Variants in MRPS30 observed in about 807,000 individuals in gnomAD.
MRPS30 encodes large ribosomal subunit protein mL65.
Under a neutral mutation model 43.8 loss-of-function variants are expected in MRPS30, and 42 were observed. That is an observed-to-expected ratio of 0.96 (90% CI 0.75 to 1.24). The LOEUF (loss-of-function observed/expected upper bound fraction) is 1.24. Ranked by LOEUF, MRPS30 falls within the 50% of genes most tolerant of loss-of-function variation. The pLI, the probability that MRPS30 is intolerant of heterozygous loss-of-function variation, is 0.00. For missense variants in MRPS30, 638 were observed against 570.0 expected (o/e 1.12, Z -1.22); for synonymous variants, 273 against 228.2 (o/e 1.20, Z -1.77).
chr5:44,812,189 G>A lies in MRPS30; in HGVS notation c.853+169G>A, dbSNP rs541843968. On this transcript the variant is annotated intron_variant, in intron 3 of 4. Transcript: ENST00000507110. ...GTTATTACAACATGCATAAACACTG[G>A]AAAGAAAATATTAAGTTCATTATTT... 3.3e-5 allele frequency among the ~76,000 whole-genome samples: 5 copies of A among 152,232 alleles called. No homozygotes were observed. The South Asian group carries it at 6.2e-4, about 19-fold the overall frequency.
chr5:44,810,260 A>C (rs75683728), intron 1 of MRPS30, among the ~76,000 whole-genome samples: 2,257 of 152,290 alleles, frequency 0.015, 47 homozygotes, highest in African/African-American at 0.052. Context: ...GAAACGTTAA[A>C]TGTGTCTGCC....
chr5:44,815,157 A>G lies in MRPS30; in HGVS notation c.1275A>G (p.Leu425=), dbSNP rs370467602. 3.5e-5 allele frequency: 57 copies of G among 1,610,862 alleles called. No individual in the cohort carries two copies. The highest frequency in any genetic ancestry group is 5.0e-5 in the Admixed American group (3 of 59,708). Residue 425 remains leucine, a synonymous_variant, in exon 5 of 5, where the codon CTA becomes CTG. Coordinates refer to ENST00000507110, the MANE Select transcript of MRPS30 (RefSeq NM_016640.4). The stretch of plus-strand genomic sequence containing the variant: ...TTCTACTTCAGATAGTTCACTTTCT[A>G]CTGAATAGACCAAAAGAAGAAAAAT... The part of the protein sequence containing the change: ...DDVLLQIVHF[L]LNRPKEEKSQ...
intron 4 of MRPS30, among the ~76,000 whole-genome samples, chr5:44,813,903 G>A (rs1191706101): frequency 6.6e-6 from 1 of 152,108 alleles, no homozygotes; most frequent in African/African-American, 2.4e-5. Flanking sequence ...AGGGGGGCAG[G>A]TATAAATGAG....
chr5:44,810,517 G>T (rs1423847194), intron 1 of MRPS30, among the ~76,000 whole-genome samples: 2 of 152,190 alleles, frequency 1.3e-5, no homozygotes, highest in African/African-American at 4.8e-5. Flanking sequence ...GCCTTGTTGT[G>T]TGCATGTTTT....
At position 44,811,173 on chromosome 5, in the gene MRPS30, T is replaced by C; in HGVS notation, c.747+19T>C. ...CGCAGAGGTAAGGATTTATTGCGAT[T>C]ATGTATCTATTGATATCTCGTGTAG... On this transcript the variant is annotated intron_variant, in intron 2 of 4. Transcript: ENST00000507110. 2 of 1,612,092 alleles carry C rather than the reference T, an allele frequency of 1.2e-6. No homozygotes were observed. The highest frequency in any genetic ancestry group is 1.7e-6 in the Non-Finnish European group (2 of 1,178,348).
rs755555658 is a variant in MRPS30, at chr5:44,809,417, AGGAGCACTTCTAC to A, written c.456_468del (p.Gln152HisfsTer78). Reference sequence around the variant, plus strand: ...GCGGTCGCCTGCGACTGCCTGCTGCAGGAGCACTTCTACCTGCGGCGCAGGCGGCGCGTGCACC... The same window carrying A: ...GCGGTCGCCTGCGACTGCCTGCTGCACTGCGGCGCAGGCGGCGCGTGCACC... On this transcript the variant is annotated frameshift_variant, in exon 1 of 5. Transcript: ENST00000507110. LOFTEE classifies it high-confidence loss of function. The A allele has an allele frequency of 1.9e-6, 3 of 1,613,092 alleles. No individual in the cohort carries two copies. Among genetic ancestry groups the A allele is most frequent in the Non-Finnish European group, 2.5e-6 (3 of 1,179,626 alleles).
chr5:44,809,028 T>TAATGCCGCCGCC lies in MRPS30; in HGVS notation c.68_79dup (p.Asn23_Ala26dup). On this transcript the variant is annotated inframe_insertion, in exon 1 of 5. Coordinates refer to ENST00000507110, the MANE Select transcript of MRPS30 (RefSeq NM_016640.4). ...CGAGGCTTTCATTGCACACCGCGGC[T>TAATGCCGCCGCC]AATGCCGCCGCCACGGCTACAGAAA... is the stretch of plus-strand genomic sequence containing the variant. 1 of 1,610,008 alleles carries TAATGCCGCCGCC rather than the reference T, an allele frequency of 6.2e-7. No individual in the cohort carries two copies. Among genetic ancestry groups the TAATGCCGCCGCC allele is most frequent in the East Asian group, 2.2e-5 (1 of 44,724 alleles).
chr5:44,814,648 A>C (rs1742890897), intron 4 of MRPS30, among the ~76,000 whole-genome samples: 1 of 152,066 alleles, frequency 6.6e-6, no homozygotes, highest in African/African-American at 2.4e-5. Flanking sequence ...TGCTGCTCTT[A>C]GATGAAGTAA....
In MRPS30 at chr5:44,811,938, T is replaced by A. The variant is rs535463036; in HGVS notation, c.771T>A (p.Val257=). The change falls in exon 3 of 5, where the codon GTT becomes GTA. Residue 257 remains valine (V), a synonymous_variant. Transcript: ENST00000507110. Reference sequence around the variant, plus strand: ...AGTTTGTGCCATTGGATTATTCTGTTCCTATAGAAATCCCCACTATAAAAT... The same window carrying A: ...AGTTTGTGCCATTGGATTATTCTGTACCTATAGAAATCCCCACTATAAAAT... The part of the protein sequence containing the change: ...LAEFVPLDYS[V]PIEIPTIKCK... 1.3e-5 allele frequency: 20 copies of A among 1,590,648 alleles called. No homozygotes were observed. The South Asian group carries it at 2.3e-4, about 18-fold the overall frequency.
intron 2 of MRPS30, 131 bp downstream of exon 2, chr5:44,811,285 G>T: frequency 9.8e-7 from 1 of 1,024,032 alleles, no homozygotes; most frequent in Admixed American, 2.5e-5. Context: ...CCTTTTTGAA[G>T]ACATCACCTC....
chr5:44,809,535 C>G lies in MRPS30; in HGVS notation c.573C>G (p.His191Gln). Residue 191 changes from histidine (H) to glutamine (Q), a missense_variant, in exon 1 of 5, where the codon CAC becomes CAG. Coordinates refer to ENST00000507110, the MANE Select transcript of MRPS30 (RefSeq NM_016640.4). ...VSTLVGLLSP[H>Q]NPALAAAALD... ...CCCTCGTGGGCCTCCTCAGCCCACA[C>G]AACCCGGCCCTGGCCGCTGCCGCCC... The G allele has an allele frequency of 6.2e-7, 1 of 1,605,294 alleles. No homozygotes were observed. Among genetic ancestry groups the G allele is most frequent in the East Asian group, 2.2e-5 (1 of 44,766 alleles).
chr5:44,809,831 T>C, intron 1 of MRPS30: 1 of 448,318 alleles, frequency 2.2e-6, no homozygotes. Context: ...GATTCTACTT[T>C]GTGAGTGTTC....
chr5:44,811,921 C>G lies in MRPS30; in HGVS notation c.754C>G (p.Pro252Ala). The change falls in exon 3 of 5, where the codon CCA (proline) becomes GCA (alanine). Residue 252 changes from proline to alanine, a missense_variant. Physicochemically the swap from Pro to Ala is conservative, Grantham distance 27 (BLOSUM62 -1). Transcript: ENST00000507110. The part of the protein sequence containing the change: ...RISKQLAEFV[P>A]LDYSVPIEIP... Reference sequence around the variant, plus strand: ...TCTTTTCTTTTTCTTTAAGTTTGTGCCATTGGATTATTCTGTTCCTATAGA... The same window carrying G: ...TCTTTTCTTTTTCTTTAAGTTTGTGGCATTGGATTATTCTGTTCCTATAGA... 1 of 1,536,108 alleles carries G rather than the reference C, an allele frequency of 6.5e-7. No homozygotes were observed. The highest frequency in any genetic ancestry group is 8.8e-7 in the Non-Finnish European group (1 of 1,135,848).
intron 2 of MRPS30, among the ~76,000 whole-genome samples, chr5:44,811,408 A>G (rs1742837796): frequency 6.6e-6 from 1 of 152,178 alleles, no homozygotes; most frequent in South Asian, 2.1e-4. Context: ...ACAGATCTAT[A>G]TGTTTCTCTT....
chr5:44,811,589 G>A (rs894770825), intron 2 of MRPS30, among the ~76,000 whole-genome samples: 3 of 152,110 alleles, frequency 2.0e-5, no homozygotes, highest in Admixed American at 6.5e-5. Context: ...TCATGTCAGG[G>A]GTTGACACAC....
chr5:44,809,393 C>T lies in MRPS30; in HGVS notation c.431C>T (p.Ala144Val), dbSNP rs1260374878. 6.8e-6 allele frequency: 11 copies of T among 1,609,840 alleles called. No individual in the cohort carries two copies. The highest frequency in any genetic ancestry group is 1.3e-5 in the African/African-American group (1 of 74,844). The change falls in exon 1 of 5, where the codon GCG (alanine) becomes GTG (valine). Residue 144 changes from alanine (A) to valine (V), a missense_variant. Physicochemically the swap from Ala to Val is moderately conservative, Grantham distance 64. Transcript: ENST00000507110. Reference sequence around the variant, plus strand: ...GCGCTGGACCTCGCGGCGCTGCGTGCGGTCGCCTGCGACTGCCTGCTGCAG... The same window carrying T: ...GCGCTGGACCTCGCGGCGCTGCGTGTGGTCGCCTGCGACTGCCTGCTGCAG... ...EPALDLAALR[A>V]VACDCLLQEH...
At chr5:44,812,809 A>G (rs1342949635) in intron 3 of MRPS30, among the ~76,000 whole-genome samples, 1 of 152,150 alleles carries the variant, frequency 6.6e-6, no homozygotes, top group Admixed American at 6.5e-5. Context: ...TGACTAAGGG[A>G]TTTGAGAAAA....
chr5:44,814,578 C>A (rs1742889970), intron 4 of MRPS30, among the ~76,000 whole-genome samples: 1 of 152,096 alleles, frequency 6.6e-6, no homozygotes, highest in Non-Finnish European at 1.5e-5. Context: ...TACTACTTGG[C>A]CTTGGTAATT....
chr5:44,811,972 G>C lies in MRPS30; in HGVS notation c.805G>C (p.Asp269His). The change falls in exon 3 of 5, where the codon GAC becomes CAC. Residue 269 changes from aspartate to histidine, a missense_variant. Transcript: ENST00000507110. Reference sequence around the variant, plus strand: ...AATCCCCACTATAAAATGTAAACCAGACAAACTTCCATTATTCAAACGGCA... The same window carrying C: ...AATCCCCACTATAAAATGTAAACCACACAAACTTCCATTATTCAAACGGCA... The part of the protein sequence containing the change: ...IEIPTIKCKP[D>H]KLPLFKRQYE... The C allele has an allele frequency of 6.2e-7, 1 of 1,600,750 alleles. No homozygotes were observed. Among genetic ancestry groups the C allele is most frequent in the Non-Finnish European group, 8.5e-7 (1 of 1,173,186 alleles).
Sources: allele counts gnomAD v4.1 joint callset (sites outside exome capture counted in the v4.1 genomes callset), GRCh38; gene constraint gnomAD v4.1.1; transcripts MANE v1.5; gene names NCBI Gene and HGNC (gene_info 2026-07-23, HGNC 2026-07-21).